Variants in RASSF5 observed in about 807,000 individuals in gnomAD.
The protein encoded by RASSF5 is Ras association domain family member 5, also known as ras association domain-containing protein 5.
RASSF5 carries 25 observed loss-of-function variants against 40.5 expected under a neutral mutation model. That is an observed-to-expected ratio of 0.62 (90% CI 0.45 to 0.86). The LOEUF (loss-of-function observed/expected upper bound fraction) is 0.86. RASSF5 is among the 40% of genes least tolerant of loss of function. The probability of loss-of-function intolerance (pLI) is 0.00; values close to 1 mark genes in which losing one functional copy is unlikely to be tolerated. For missense variants in RASSF5, 521 were observed against 572.8 expected (o/e 0.91, Z 0.92); for synonymous variants, 246 against 252.4 (o/e 0.97, Z 0.24).
chr1:206,537,012 A>G (rs116455514), intron 1 of RASSF5, among the ~76,000 whole-genome samples: 2,463 of 152,146 alleles, frequency 0.016, 75 homozygotes, highest in African/African-American at 0.056. Flanking sequence ...CCTTGTCTTC[A>G]CTACCCCCCA....
rs1044769432 is a variant in RASSF5 at position 206,552,353 on chromosome 1, G to C, written c.579+14060G>C. 6.6e-6 allele frequency among the ~76,000 whole-genome samples: 1 copy of C among 152,210 alleles called. No homozygotes were observed. Among genetic ancestry groups the C allele is most frequent in the Non-Finnish European group, 1.5e-5 (1 of 68,044 alleles). ...TTCTCAGAGTCAGATGGAAGGTGTG[G>C]GAGGTATGGATGATATTGGGGAATA... On this transcript the variant is annotated intron_variant, in intron 2 of 5. Transcript: ENST00000579436. This position sits in a 1 kb window ranked among gnomAD's most constrained non-coding sequence, Gnocchi z 4.1.
intron 1 of RASSF5, among the ~76,000 whole-genome samples, chr1:206,508,565 C>T (rs1666529823): frequency 6.6e-6 from 1 of 152,018 alleles, no homozygotes; most frequent in Non-Finnish European, 1.5e-5. Context: ...TCCAGGGGGA[C>T]GTATTGGGAC....
chr1:206,513,511 T>C lies in RASSF5; in HGVS notation c.457+5452T>C, dbSNP rs1391986406. ...CTTCTCACAAGCTTGCAGACCTGGG[T>C]CTGTGCTGGTGGCAGGATGCTTTCT... On this transcript the variant is annotated intron_variant, in intron 1 of 5. Coordinates refer to ENST00000579436, the MANE Select transcript of RASSF5 (RefSeq NM_182663.4). The surrounding 1 kb of genome is among the most constrained non-coding windows in gnomAD (Gnocchi z 5.0). 6.6e-6 allele frequency among the ~76,000 whole-genome samples: 1 copy of C among 152,166 alleles called. No homozygotes were observed. Among genetic ancestry groups the C allele is most frequent in the Non-Finnish European group, 1.5e-5 (1 of 68,030 alleles).
At chr1:206,546,545 C>A (rs557687991) in intron 2 of RASSF5, among the ~76,000 whole-genome samples, 1 of 152,012 alleles carries the variant, frequency 6.6e-6, no homozygotes, top group Non-Finnish European at 1.5e-5. Context: ...AAGCTTTAAC[C>A]CTTTGTTTTG....
At chr1:206,586,616 T>C in intron 5 of RASSF5, 1 of 546,426 alleles carries the variant, frequency 1.8e-6, no homozygotes, top group Non-Finnish European at 3.3e-6. Context: ...CAACTCTTGG[T>C]CATGAGATGC....
chr1:206,522,046 A>G (rs541728232), intron 1 of RASSF5, among the ~76,000 whole-genome samples: 2 of 152,160 alleles, frequency 1.3e-5, no homozygotes, highest in East Asian at 3.9e-4. Flanking sequence ...TTTTTTCTTA[A>G]GGTGCCTGGC....
chr1:206,551,526 G>A (rs1341654042), intron 2 of RASSF5, among the ~76,000 whole-genome samples: 5 of 152,172 alleles, frequency 3.3e-5, no homozygotes, highest in East Asian at 1.9e-4. Flanking sequence ...CTGGACAGCC[G>A]CCCTCACAGG....
rs1553407016 is a variant in RASSF5, at chr1:206,584,385, A to G, written c.691-2A>G. 1 of 1,608,080 alleles carries G rather than the reference A, an allele frequency of 6.2e-7. No homozygotes were observed. The highest frequency in any genetic ancestry group is 2.2e-5 in the East Asian group (1 of 44,844). ...CCCCCTGTGACATGCCCCCGCTGGC[A>G]GAGTGAAGACGGCACCTACACGGGT... On this transcript the variant is annotated splice_acceptor_variant, in intron 3 of 5. Coordinates refer to ENST00000579436, the MANE Select transcript of RASSF5 (RefSeq NM_182663.4). LOFTEE classifies it high-confidence loss of function. The surrounding 1 kb of genome is among the most constrained non-coding windows in gnomAD (Gnocchi z 4.9).
intron 2 of RASSF5, among the ~76,000 whole-genome samples, chr1:206,548,758 C>G (rs1169404784): frequency 6.6e-6 from 1 of 152,190 alleles, no homozygotes; most frequent in Non-Finnish European, 1.5e-5. Flanking sequence ...CATACCCCCC[C>G]ACTCTGAGGA....
chr1:206,542,258 T>TG (rs1558505922), intron 2 of RASSF5: 1 of 152,184 alleles, frequency 6.6e-6, no homozygotes, highest in African/African-American at 2.4e-5. Flanking sequence ...GTTTGGGTCA[T>TG]GGGGGTGGAT....
chr1:206,583,894 A>G (rs949833739), intron 3 of RASSF5, among the ~76,000 whole-genome samples: 1 of 152,216 alleles, frequency 6.6e-6, no homozygotes, highest in Non-Finnish European at 1.5e-5. Flanking sequence ...TTTGGGGTTC[A>G]GCCAGATGGA....
chr1:206,567,066 A>C (rs1668308055), intron 2 of RASSF5, among the ~76,000 whole-genome samples: 1 of 152,248 alleles, frequency 6.6e-6, no homozygotes, highest in South Asian at 2.1e-4. Context: ...TCAGGAAATG[A>C]AAAATCCCAC....
At chr1:206,516,853 C>A (rs1018544109) in intron 1 of RASSF5, among the ~76,000 whole-genome samples, 1 of 152,186 alleles carries the variant, frequency 6.6e-6, no homozygotes, top group African/African-American at 2.4e-5. Flanking sequence ...CCAGGCAGGA[C>A]TTCCTAGGCC....
At chr1:206,580,908 G>A (rs1331660945) in intron 2 of RASSF5, 3 of 152,252 alleles carry the variant, frequency 2.0e-5, no homozygotes, top group Non-Finnish European at 4.4e-5. Flanking sequence ...CATCTTAGAT[G>A]AACATTTCAC....
At chr1:206,581,580 CAGAG>C (rs1668875751) in intron 2 of RASSF5, among the ~76,000 whole-genome samples, 1 of 149,642 alleles carries the variant, frequency 6.7e-6, no homozygotes, top group Admixed American at 6.7e-5. Flanking sequence ...GCCTGGGTGA[CAGAG>C]GGAGACGAAA....
intron 2 of RASSF5, among the ~76,000 whole-genome samples, chr1:206,540,798 G>A (rs1664002079): frequency 6.6e-6 from 1 of 152,258 alleles, no homozygotes; most frequent in East Asian, 1.9e-4. Context: ...TTTTCTTGGG[G>A]GATTTAAGGG....
chr1:206,549,412 C>T (rs1667777815), intron 2 of RASSF5, among the ~76,000 whole-genome samples: 1 of 152,158 alleles, frequency 6.6e-6, no homozygotes, highest in African/African-American at 2.4e-5. Flanking sequence ...TCCCCTTCTA[C>T]CCTAGAAGCA....
At chr1:206,529,373 G>A (rs1572308021) in intron 1 of RASSF5, 1 of 754,796 alleles carries the variant, frequency 1.3e-6, no homozygotes, top group East Asian at 2.5e-5. Context: ...AGCTGGTGGT[G>A]ATTGCACATG....
At chr1:206,572,246 T>A (rs1177949452) in intron 2 of RASSF5, among the ~76,000 whole-genome samples, 2 of 152,192 alleles carry the variant, frequency 1.3e-5, no homozygotes, top group African/African-American at 4.8e-5. Flanking sequence ...GAACCCCTAT[T>A]GTGTGCCTGA....
Sources: gnomAD v4.1 joint callset for allele counts (sites outside exome capture counted in the v4.1 genomes callset) on GRCh38, gnomAD v4.1.1 for gene constraint, Gnocchi (gnomAD v3.1) non-coding constraint, MANE v1.5 for transcripts, NCBI Gene and HGNC (gene_info 2026-07-23, HGNC 2026-07-21) for gene names.